The following KLHL1 variants were observed in gnomAD, a reference collection of about 807,000 sequenced individuals.
KLHL1 encodes kelch like family member 1, also known as kelch-like protein 1.
KLHL1 carries 47 observed loss-of-function variants against 77.7 expected under a neutral mutation model. That is an observed-to-expected ratio of 0.60 (90% CI 0.48 to 0.77). The LOEUF (loss-of-function observed/expected upper bound fraction) is 0.77. Among genes scored for constraint, KLHL1 ranks in the 30% least tolerant of loss-of-function variants. KLHL1 has a pLI of 0.00. For synonymous variants in KLHL1, 360 were observed against 325.2 expected, an observed-to-expected ratio of 1.11 and a Z score of -1.15; for missense variants, 925 against 910.8, an observed-to-expected ratio of 1.02 and a Z score of -0.20.
intron 7 of KLHL1, among the ~76,000 whole-genome samples, chr13:69,756,745 T>C (rs1004725696): frequency 2.0e-5 from 3 of 152,290 alleles, no homozygotes; most frequent in African/African-American, 4.8e-5. Flanking sequence ...CTCCAGCAGT[T>C]TGTATAAATC....
intron 5 of KLHL1, among the ~76,000 whole-genome samples, chr13:69,856,744 T>G (rs1879935378): frequency 6.6e-6 from 1 of 152,116 alleles, no homozygotes; most frequent in South Asian, 2.1e-4. Flanking sequence ...ATCAGTAAAT[T>G]AAACTACAAT....
intron 6 of KLHL1, among the ~76,000 whole-genome samples, chr13:69,837,656 A>ATATATG (rs36068601): frequency 3.6e-5 from 5 of 137,144 alleles, no homozygotes; most frequent in Non-Finnish European, 6.2e-5. Context: ...GTATATATAT[A>ATATATG]TGTGTGTGTG....
intron 5 of KLHL1, among the ~76,000 whole-genome samples, chr13:69,865,089 G>A (rs1362403455): frequency 6.6e-6 from 1 of 152,100 alleles, no homozygotes; most frequent in Admixed American, 6.6e-5. Context: ...TGGGGCTACA[G>A]GCATGCATGT....
At chr13:69,833,802 T>TATATATATACACACACACATATGTATAC (rs1878867085) in intron 6 of KLHL1, among the ~76,000 whole-genome samples, 1 of 112,016 alleles carries the variant, frequency 8.9e-6, no homozygotes, top group African/African-American at 3.8e-5. Flanking sequence ...TTGTGTTCTA[T>TATATATATACACACACACATATGTATAC]ATATATATAT....
At chr13:69,866,151 A>T (rs1409007050) in intron 5 of KLHL1, among the ~76,000 whole-genome samples, 1 of 152,150 alleles carries the variant, frequency 6.6e-6, no homozygotes, top group Non-Finnish European at 1.5e-5. Flanking sequence ...TGAAAAGAGT[A>T]CAGCACTTAT....
intron 1 of KLHL1, among the ~76,000 whole-genome samples, chr13:70,083,623 G>C (rs1887446798): frequency 6.6e-6 from 1 of 152,006 alleles, no homozygotes; most frequent in African/African-American, 2.4e-5. Flanking sequence ...TAAATTATAT[G>C]AGAAAAAAGT....
intron 6 of KLHL1, among the ~76,000 whole-genome samples, chr13:69,802,581 G>A (rs574437949): frequency 4.1e-4 from 63 of 152,218 alleles, no homozygotes; most frequent in Middle Eastern, 3.4e-3. Flanking sequence ...GACCTAATCA[G>A]TTATGTTATC....
chr13:69,795,753 C>T (rs1022898593), intron 7 of KLHL1, among the ~76,000 whole-genome samples: 5 of 152,122 alleles, frequency 3.3e-5, no homozygotes, highest in Admixed American at 2.0e-4. Flanking sequence ...AGATGCACAT[C>T]GAGATCCGAA....
chr13:70,025,619 T>C (rs1031331914), intron 1 of KLHL1, among the ~76,000 whole-genome samples: 1 of 151,678 alleles, frequency 6.6e-6, no homozygotes, highest in Non-Finnish European at 1.5e-5. Context: ...AATTAGGAGA[T>C]GCTATCTGAA....
intron 5 of KLHL1, among the ~76,000 whole-genome samples, chr13:69,856,252 C>G (rs2138142448): frequency 6.6e-6 from 1 of 151,992 alleles, no homozygotes; most frequent in Admixed American, 6.6e-5. Flanking sequence ...AGTCACTGCC[C>G]ATTCTAAAAT....
At chr13:70,088,459 C>T (rs1593734481) in intron 1 of KLHL1, among the ~76,000 whole-genome samples, 1 of 152,112 alleles carries the variant, frequency 6.6e-6, no homozygotes, top group African/African-American at 2.4e-5. Context: ...GATGGAGGGT[C>T]ACTTGAGGTC....
At position 69,726,033 on chromosome 13, in the gene KLHL1, C is replaced by T. The variant is rs553281403; in HGVS notation, c.1803-6452G>A. ...TTTTCTGATCCCATTTTGTCTTGTT[C>T]CCTGAAATTTAGCTTTATTTATAAT... On this transcript the variant is annotated intron_variant, in intron 8 of 10. Coordinates refer to ENST00000377844, the MANE Select transcript of KLHL1 (RefSeq NM_020866.3). Among the ~76,000 whole-genome samples the T allele has an allele frequency of 5.3e-5, 8 of 152,132 alleles. No homozygotes were observed. The East Asian group carries it at 1.6e-3, about 30-fold the overall frequency.
chr13:70,007,812 T>A (rs1034763731), intron 1 of KLHL1, among the ~76,000 whole-genome samples: 2 of 151,968 alleles, frequency 1.3e-5, no homozygotes, highest in African/African-American at 4.8e-5. Flanking sequence ...TGTACCCACA[T>A]GTTTCTCTCA....
chr13:69,727,186 G>T (rs1873337379), intron 8 of KLHL1, among the ~76,000 whole-genome samples: 3 of 152,052 alleles, frequency 2.0e-5, no homozygotes, highest in African/African-American at 4.8e-5. Context: ...TCTTATTTTG[G>T]TTTTAAGCAA....
Position 69,862,178 on chromosome 13 carries a change from G to A in KLHL1, c.1227+20105C>T, listed in dbSNP as rs183589651. Among the ~76,000 whole-genome samples the A allele has an allele frequency of 6.1e-4, 93 of 151,758 alleles. 1 individual carries two copies. Among genetic ancestry groups the A allele is most frequent in the African/African-American group, 2.1e-3 (88 of 41,404 alleles). The stretch of plus-strand genomic sequence containing the variant: ...ATTTTGAACAAACTTTGTTAGAGAA[G>A]CAAATTACACATATATTATAATTAG... On this transcript the variant is annotated intron_variant, in intron 5 of 10. Coordinates refer to ENST00000377844, the MANE Select transcript of KLHL1 (RefSeq NM_020866.3).
At chr13:70,037,901 T>C (rs940194719) in intron 1 of KLHL1, among the ~76,000 whole-genome samples, 3 of 152,168 alleles carry the variant, frequency 2.0e-5, no homozygotes, top group Admixed American at 6.5e-5. Context: ...ATAATTCCCT[T>C]TTACCACTTT....
intron 1 of KLHL1, among the ~76,000 whole-genome samples, chr13:70,048,918 G>A (rs1272974293): frequency 6.6e-6 from 1 of 152,076 alleles, no homozygotes; most frequent in African/African-American, 2.4e-5. Context: ...AATGAAGTCA[G>A]GTATAATATT....
intron 1 of KLHL1, among the ~76,000 whole-genome samples, chr13:70,062,532 T>C (rs1007025446): frequency 6.6e-5 from 10 of 152,196 alleles, no homozygotes; most frequent in African/African-American, 2.4e-5. Context: ...ATGTAACATG[T>C]ATACCTATGT....
At chr13:69,911,753 T>C (rs746051349) in intron 4 of KLHL1, among the ~76,000 whole-genome samples, 2 of 152,062 alleles carry the variant, frequency 1.3e-5, no homozygotes, top group Non-Finnish European at 2.9e-5. Flanking sequence ...CTAAATGAAA[T>C]ATATTATATT....
Sources: gnomAD v4.1 joint callset for allele counts (sites outside exome capture counted in the v4.1 genomes callset) on GRCh38, gnomAD v4.1.1 for gene constraint, MANE v1.5 for transcripts, NCBI Gene and HGNC (gene_info 2026-07-23, HGNC 2026-07-21) for gene names.